RBFOX1: variants seen among roughly 807,000 people sequenced by gnomAD.
RBFOX1 encodes the protein RNA binding fox-1 homolog 1, also known as RNA binding protein fox-1 homolog 1.
In RBFOX1, 8 loss-of-function variants were observed where a neutral mutation model predicts 57.7. The ratio of observed to expected loss-of-function variants is 0.14; its 90% CI spans 0.08 to 0.25. RBFOX1 has a LOEUF of 0.25. Among genes scored for constraint, RBFOX1 ranks in the 10% least tolerant of loss-of-function variants. The probability of loss-of-function intolerance (pLI) is 1.00; values close to 1 mark genes in which losing one functional copy is unlikely to be tolerated. For synonymous variants in RBFOX1, 326 were observed against 222.4 expected, an observed-to-expected ratio of 1.47 and a Z score of -4.15; for missense variants, 611 against 548.5, an observed-to-expected ratio of 1.11 and a Z score of -1.14.
chr16:6,694,290 T>A (rs748324963), intron 3 of RBFOX1, among the ~76,000 whole-genome samples: 1 of 152,220 alleles, frequency 6.6e-6, no homozygotes, highest in East Asian at 1.9e-4. Flanking sequence ...TCAATTTTTC[T>A]GTCTTATTTA....
intron 9 of RBFOX1, 47 bp from the exon 10 acceptor site, chr16:7,607,238 A>T (rs747460146): frequency 6.6e-7 from 1 of 1,509,806 alleles, no homozygotes; most frequent in Admixed American, 1.9e-5. Context: ...ATTATATAAG[A>T]TGTTGAATCA....
chr16:6,884,704 C>G (rs1197928667), intron 3 of RBFOX1, among the ~76,000 whole-genome samples: 1 of 152,136 alleles, frequency 6.6e-6, no homozygotes, highest in African/African-American at 2.4e-5. Flanking sequence ...TCCAGACCAG[C>G]TTGGGCAACA....
At position 7,658,993 on chromosome 16, in the gene RBFOX1, G is replaced by A. The variant is rs1458862133; in HGVS notation, c.890+5046G>A. Among the ~76,000 whole-genome samples, 3 of 152,262 alleles carry A rather than the reference G, an allele frequency of 2.0e-5. No individual in the cohort carries two copies. The East Asian group carries it at 5.8e-4, about 29-fold the overall frequency. The stretch of plus-strand genomic sequence containing the variant: ...GCCCACCTCAGCCTCCCAAAGTGCT[G>A]GGATTACAGGCATGTGCCACCGCCC... On this transcript the variant is annotated intron_variant, in intron 12 of 15. Transcript: ENST00000550418.
chr16:5,809,309 C>G (rs2055338836), intron 3 of RBFOX1, among the ~76,000 whole-genome samples: 1 of 152,046 alleles, frequency 6.6e-6, no homozygotes, highest in Non-Finnish European at 1.5e-5. Flanking sequence ...CAACAAAAGC[C>G]AAAATTGACA....
intron 1 of RBFOX1, among the ~76,000 whole-genome samples, chr16:5,369,128 A>C (rs1316298441): frequency 6.6e-6 from 1 of 152,078 alleles, no homozygotes; most frequent in East Asian, 1.9e-4. Context: ...CAGCCTCACA[A>C]GTAGCTAGGA....
At chr16:6,540,703 T>A (rs1166477242) in intron 2 of RBFOX1, among the ~76,000 whole-genome samples, 2 of 151,776 alleles carry the variant, frequency 1.3e-5, no homozygotes, top group Non-Finnish European at 2.9e-5. Context: ...TGTTGACAAA[T>A]TCTTATACAA....
intron 4 of RBFOX1, among the ~76,000 whole-genome samples, chr16:7,478,452 G>C (rs1359291072): frequency 6.6e-6 from 1 of 152,194 alleles, no homozygotes; most frequent in Non-Finnish European, 1.5e-5. Flanking sequence ...AGCTGCTGAA[G>C]AGAAAGTGCT....
At chr16:6,311,047 A>G (rs1186410746) in intron 1 of RBFOX1, among the ~76,000 whole-genome samples, 2 of 152,148 alleles carry the variant, frequency 1.3e-5, no homozygotes, top group Admixed American at 1.3e-4. Flanking sequence ...TTTTAATCCC[A>G]GCACTTTGGG....
At chr16:6,612,992 C>T (rs2098086665) in intron 2 of RBFOX1, among the ~76,000 whole-genome samples, 1 of 147,142 alleles carries the variant, frequency 6.8e-6, no homozygotes, top group Non-Finnish European at 1.5e-5. Context: ...AAGGCAGGTG[C>T]CAGTCCCAGC....
At chr16:7,033,243 G>C (rs550607574) in intron 3 of RBFOX1, among the ~76,000 whole-genome samples, 2 of 152,176 alleles carry the variant, frequency 1.3e-5, no homozygotes, top group Admixed American at 6.5e-5. Flanking sequence ...AAACAGGACG[G>C]GCACAGTGGG....
At chr16:6,403,059 A>G (rs1175095849) in intron 2 of RBFOX1, among the ~76,000 whole-genome samples, 1 of 152,096 alleles carries the variant, frequency 6.6e-6, no homozygotes, top group African/African-American at 2.4e-5. Context: ...GGGTGCTGAG[A>G]GAGTCGATTG....
At chr16:7,044,095 C>G (rs1176839936) in intron 3 of RBFOX1, among the ~76,000 whole-genome samples, 1 of 152,094 alleles carries the variant, frequency 6.6e-6, no homozygotes, top group Admixed American at 6.6e-5. Context: ...GCTCCAGTAG[C>G]CTTCTTTGCT....
At chr16:7,285,586 C>G (rs2095634745) in intron 4 of RBFOX1, among the ~76,000 whole-genome samples, 1 of 150,580 alleles carries the variant, frequency 6.6e-6, no homozygotes, top group Non-Finnish European at 1.5e-5. Flanking sequence ...CACTAATTTT[C>G]TCTCTATTTA....
chr16:6,638,105 T>C (rs571154874), intron 2 of RBFOX1, among the ~76,000 whole-genome samples: 112 of 152,254 alleles, frequency 7.4e-4, no homozygotes, highest in African/African-American at 2.6e-3. Flanking sequence ...ATGAATGTTG[T>C]AGGCCTGCCA....
intron 2 of RBFOX1, among the ~76,000 whole-genome samples, chr16:6,609,408 A>T (rs960328031): frequency 1.3e-5 from 2 of 151,940 alleles, no homozygotes; most frequent in Non-Finnish European, 2.9e-5. Context: ...GCAGTAGTGC[A>T]GTCTCAGCTC....
intron 1 of RBFOX1, among the ~76,000 whole-genome samples, chr16:6,234,297 G>C (rs189610668): frequency 6.6e-6 from 1 of 152,024 alleles, no homozygotes; most frequent in African/African-American, 2.4e-5. Flanking sequence ...GTTATCTATC[G>C]AAAAGCAAGT....
chr16:6,947,014 G>C (rs371269716), intron 3 of RBFOX1, among the ~76,000 whole-genome samples: 15 of 152,304 alleles, frequency 9.8e-5, no homozygotes, highest in African/African-American at 3.6e-4. Flanking sequence ...GGTTGAGCAA[G>C]TCCCTTCACC....
intron 4 of RBFOX1, among the ~76,000 whole-genome samples, chr16:7,214,485 C>G (rs77148737): frequency 1.5e-4 from 23 of 152,050 alleles, no homozygotes; most frequent in African/African-American, 5.5e-4. Context: ...TCCACTGCCT[C>G]CATCTCCATC....
Position 7,244,977 on chromosome 16 carries a change from T to A in RBFOX1, c.27+192879T>A, listed in dbSNP as rs139572846. ...TGGGGATTGTGGCAAAGTGAGGAAC[T>A]CATGCCTGCCTTCACAGTGCAGCTG... On this transcript the variant is annotated intron_variant, in intron 4 of 15. Transcript: ENST00000550418. 7.2e-3 allele frequency among the ~76,000 whole-genome samples: 1,098 copies of A among 152,320 alleles called. 18 individuals are homozygous for A. The highest frequency in any genetic ancestry group is 0.024 in the African/African-American group (1,018 of 41,566).
Sources: allele counts gnomAD v4.1 joint callset (sites outside exome capture counted in the v4.1 genomes callset), GRCh38; gene constraint gnomAD v4.1.1; transcripts MANE v1.5; gene names NCBI Gene and HGNC (gene_info 2026-07-23, HGNC 2026-07-21).